The following KIRREL3 variants were observed in gnomAD, a reference collection of about 807,000 sequenced individuals.
The protein encoded by KIRREL3 is kin of IRRE-like protein 3.
A neutral mutation model predicts 89.7 loss-of-function variants in KIRREL3; 36 were observed. The observed-to-expected ratio is 0.40, with a 90% CI of 0.31 to 0.53. The LOEUF (loss-of-function observed/expected upper bound fraction) is 0.53. Among genes scored for constraint, KIRREL3 ranks in the 20% least tolerant of loss-of-function variants. The pLI, the probability that KIRREL3 is intolerant of heterozygous loss-of-function variation, is 0.49. For synonymous variants in KIRREL3, 445 were observed against 441.4 expected (o/e 1.01, Z -0.10); for missense variants, 864 against 1,056.6 (o/e 0.82, Z 2.53).
chr11:126,577,646 C>T (rs529771667), intron 1 of KIRREL3, among the ~76,000 whole-genome samples: 1 of 151,638 alleles, frequency 6.6e-6, no homozygotes, highest in Admixed American at 6.6e-5. Context: ...CCTGTAACCC[C>T]AGCTATTCGG....
intron 1 of KIRREL3, among the ~76,000 whole-genome samples, chr11:126,765,648 G>A (rs891782294): frequency 2.6e-5 from 4 of 152,102 alleles, no homozygotes; most frequent in African/African-American, 9.7e-5. Context: ...TTTCTTCACT[G>A]TCTCCCTTTA....
chr11:126,799,384 G>T (rs867645550), intron 1 of KIRREL3, among the ~76,000 whole-genome samples: 1 of 63,480 alleles, frequency 1.6e-5, no homozygotes, highest in Non-Finnish European at 2.8e-5. Context: ...GTGTGCATGC[G>T]TGTATCTGTG....
At position 126,848,608 on chromosome 11, in the gene KIRREL3, A is replaced by G. The variant is rs561737698; in HGVS notation, c.55+151847T>C. ...CAACTCTATATCAGCTTGGTTCCCA[A>G]CAGTTGCCCAGTTCATGGAAAGCCT... On this transcript the variant is annotated intron_variant, in intron 1 of 16. Coordinates refer to ENST00000525144, the MANE Select transcript of KIRREL3 (RefSeq NM_032531.4). Among the ~76,000 whole-genome samples the G allele has an allele frequency of 3.3e-5, 5 of 152,358 alleles. No homozygotes were observed. In the East Asian group the frequency reaches 9.6e-4, roughly 29 times the overall value.
intron 1 of KIRREL3, among the ~76,000 whole-genome samples, chr11:126,590,326 T>C: frequency 6.6e-6 from 1 of 152,212 alleles, no homozygotes; most frequent in East Asian, 1.9e-4. Context: ...TAATGCAGTC[T>C]AAGATTACAC....
intron 1 of KIRREL3, among the ~76,000 whole-genome samples, chr11:126,567,679 G>C (rs978965582): frequency 6.6e-6 from 1 of 152,230 alleles, no homozygotes; most frequent in East Asian, 1.9e-4. Context: ...CAAGTGACAG[G>C]AAAGAGGGAA....
At chr11:126,961,894 T>C (rs1367217187) in intron 1 of KIRREL3, among the ~76,000 whole-genome samples, 4 of 152,206 alleles carry the variant, frequency 2.6e-5, no homozygotes, top group African/African-American at 7.2e-5. Context: ...AAAAATCCTA[T>C]TGCCTGTGCA....
rs1777868769 is a variant in KIRREL3, at chr11:126,647,836, T to G, written c.56-84924A>C. Among the ~76,000 whole-genome samples, 1 of 152,214 alleles carries G rather than the reference T, an allele frequency of 6.6e-6. No homozygotes were observed. On this transcript the variant is annotated intron_variant, in intron 1 of 16. Transcript: ENST00000525144. This position sits in a 1 kb window ranked among gnomAD's most constrained non-coding sequence, Gnocchi z 4.9. Reference sequence around the variant, plus strand: ...TCAGAACGGTGCAGAGCATTCCATCTCACTGAGAATGAAAGCCAACACCCT... The same window carrying G: ...TCAGAACGGTGCAGAGCATTCCATCGCACTGAGAATGAAAGCCAACACCCT...
chr11:126,965,744 C>T lies in KIRREL3; in HGVS notation c.55+34711G>A, dbSNP rs606845. Among the ~76,000 whole-genome samples the T allele has an allele frequency of 0.89, 135,922 of 152,046 alleles. 60,924 individuals are homozygous for T. The highest frequency in any genetic ancestry group is 0.96 in the Middle Eastern group (283 of 294). On this transcript the variant is annotated intron_variant, in intron 1 of 16. Transcript: ENST00000525144. This position sits in a 1 kb window ranked among gnomAD's most constrained non-coding sequence, Gnocchi z 4.4. The stretch of plus-strand genomic sequence containing the variant: ...GAGTGCGTTATTTTCCCGTGTTTTA[C>T]GTTGGCCTTGTTGTTTTTCTCTGGA...
At position 126,807,765 on chromosome 11, in the gene KIRREL3, G is replaced by C. The variant is rs1172286772; in HGVS notation, c.55+192690C>G. On this transcript the variant is annotated intron_variant, in intron 1 of 16. Coordinates refer to ENST00000525144, the MANE Select transcript of KIRREL3 (RefSeq NM_032531.4). The surrounding 1 kb of genome is among the most constrained non-coding windows in gnomAD (Gnocchi z 4.3). ...ACATGTCTACTCTGATGTGGTTGGAGAGTCCTTTAATGGGTGCTGCTGATG... is the reference window on the plus strand; with the variant it reads ...ACATGTCTACTCTGATGTGGTTGGACAGTCCTTTAATGGGTGCTGCTGATG... 1.3e-5 allele frequency among the ~76,000 whole-genome samples: 2 copies of C among 152,218 alleles called. No homozygotes were observed. Among genetic ancestry groups the C allele is most frequent in the Non-Finnish European group, 2.9e-5 (2 of 68,032 alleles).
rs1954974989 is a variant in KIRREL3, at chr11:126,427,177, T to C, written c.1807-1453A>G. On this transcript the variant is annotated intron_variant, in intron 15 of 16. Transcript: ENST00000525144. The surrounding 1 kb of genome is among the most constrained non-coding windows in gnomAD (Gnocchi z 5.3). The stretch of plus-strand genomic sequence containing the variant: ...GGACACACATGATTAAGCTTAAGTA[T>C]AGAGACGTCATCCCTTCTCACATCT... 6.6e-6 allele frequency among the ~76,000 whole-genome samples: 1 copy of C among 152,184 alleles called. No homozygotes were observed. The highest frequency in any genetic ancestry group is 1.5e-5 in the Non-Finnish European group (1 of 68,032).
At chr11:126,602,777 G>A (rs1387144821) in intron 1 of KIRREL3, among the ~76,000 whole-genome samples, 1 of 152,210 alleles carries the variant, frequency 6.6e-6, no homozygotes, top group Non-Finnish European at 1.5e-5. Flanking sequence ...CTGGGCTTGA[G>A]CTTGCTGTTC....
At chr11:126,438,151 G>A (rs1342198571) in intron 11 of KIRREL3, among the ~76,000 whole-genome samples, 3 of 152,258 alleles carry the variant, frequency 2.0e-5, no homozygotes, top group Non-Finnish European at 2.9e-5. Context: ...CCCCGGGACT[G>A]TGGCTGCCTG....
In KIRREL3 at chr11:126,498,555, T is replaced by A. The variant is rs982819275; in HGVS notation, c.433+22760A>T. Among the ~76,000 whole-genome samples, 3 of 152,154 alleles carry A rather than the reference T, an allele frequency of 2.0e-5. No homozygotes were observed. The highest frequency in any genetic ancestry group is 6.5e-5 in the Admixed American group (1 of 15,274). ...ATTATAAAAGATCCCGACTAGAAAT[T>A]GTTTTCAGTTAAATATTCCCAGAGA... On this transcript the variant is annotated intron_variant, in intron 4 of 16. Coordinates refer to ENST00000525144, the MANE Select transcript of KIRREL3 (RefSeq NM_032531.4). This position sits in a 1 kb window ranked among gnomAD's most constrained non-coding sequence, Gnocchi z 4.3.
rs986278136 is a variant in KIRREL3 at position 126,553,297 on chromosome 11, A to G, written c.133+9538T>C. Among the ~76,000 whole-genome samples the G allele has an allele frequency of 6.6e-6, 1 of 151,964 alleles. No individual in the cohort carries two copies. Among genetic ancestry groups the G allele is most frequent in the Non-Finnish European group, 1.5e-5 (1 of 68,026 alleles). On this transcript the variant is annotated intron_variant, in intron 2 of 16. Transcript: ENST00000525144. The surrounding 1 kb of genome is among the most constrained non-coding windows in gnomAD (Gnocchi z 4.7). ...TTTAAATGACACTCTGAGCACTTCT[A>G]TCTTCTACTGAGTAAGGAAAGCCCA...
rs1045787976 is a variant in KIRREL3 at position 126,624,303 on chromosome 11, C to A, written c.56-61391G>T. On this transcript the variant is annotated intron_variant, in intron 1 of 16. Coordinates refer to ENST00000525144, the MANE Select transcript of KIRREL3 (RefSeq NM_032531.4). The surrounding 1 kb of genome is among the most constrained non-coding windows in gnomAD (Gnocchi z 6.0). ...CATCAGTTATTCTCCCCAAACAGATCATTCTTGTCTTCTCCTCTGATTTCC... is the reference window on the plus strand; with the variant it reads ...CATCAGTTATTCTCCCCAAACAGATAATTCTTGTCTTCTCCTCTGATTTCC... Among the ~76,000 whole-genome samples, 2 of 152,166 alleles carry A rather than the reference C, an allele frequency of 1.3e-5. No individual in the cohort carries two copies. The highest frequency in any genetic ancestry group is 6.5e-5 in the Admixed American group (1 of 15,280).
At chr11:126,926,360 A>G (rs1044639863) in intron 1 of KIRREL3, among the ~76,000 whole-genome samples, 1 of 152,152 alleles carries the variant, frequency 6.6e-6, no homozygotes, top group African/African-American at 2.4e-5. Context: ...CTAACACAGT[A>G]CCCCACATTG....
chr11:126,942,801 G>C (rs1674195130), intron 1 of KIRREL3, among the ~76,000 whole-genome samples: 1 of 152,136 alleles, frequency 6.6e-6, no homozygotes, highest in African/African-American at 2.4e-5. Context: ...GAGCTTGCCG[G>C]GGGCAGCCAC....
rs1957731926 is a variant in KIRREL3 at position 126,498,070 on chromosome 11, A to AATG, written c.433+23242_433+23244dup. Among the ~76,000 whole-genome samples the AATG allele has an allele frequency of 6.6e-6, 1 of 152,176 alleles. No individual in the cohort carries two copies. Among genetic ancestry groups the AATG allele is most frequent in the African/African-American group, 2.4e-5 (1 of 41,448 alleles). ...AGGAAGCAGAGGCTCAGAGAGGGTAAATGACTTGCCCCAAATCACACAGCC... is the reference window on the plus strand; with the variant it reads ...AGGAAGCAGAGGCTCAGAGAGGGTAAATGATGACTTGCCCCAAATCACACAGCC... On this transcript the variant is annotated intron_variant, in intron 4 of 16. Coordinates refer to ENST00000525144, the MANE Select transcript of KIRREL3 (RefSeq NM_032531.4). The surrounding 1 kb of genome is among the most constrained non-coding windows in gnomAD (Gnocchi z 4.3).
rs1260962246 is a variant in KIRREL3, at chr11:126,715,843, A to G, written c.56-152931T>C. Among the ~76,000 whole-genome samples, 2 of 152,214 alleles carry G rather than the reference A, an allele frequency of 1.3e-5. No homozygotes were observed. The highest frequency in any genetic ancestry group is 4.8e-5 in the African/African-American group (2 of 41,440). ...GCCAGTGTTCCACCGTCAAGAGCGC[A>G]GAAAAGCCCTTGGTGCTCCTCTGAA... On this transcript the variant is annotated intron_variant, in intron 1 of 16. Transcript: ENST00000525144. The surrounding 1 kb of genome is among the most constrained non-coding windows in gnomAD (Gnocchi z 4.4).
Sources: allele counts gnomAD v4.1 joint callset (sites outside exome capture counted in the v4.1 genomes callset), GRCh38; gene constraint gnomAD v4.1.1; non-coding constraint Gnocchi (gnomAD v3.1); transcripts MANE v1.5; gene names NCBI Gene and HGNC (gene_info 2026-07-23, HGNC 2026-07-21).